The following NAV2 variants were observed in gnomAD, a reference collection of about 807,000 sequenced individuals.
The protein encoded by NAV2 is helicase, APC down-regulated 1.
A neutral mutation model predicts 223.2 loss-of-function variants in NAV2; 54 were observed. The observed-to-expected ratio is 0.24, with a 90% CI of 0.19 to 0.30. The LOEUF is 0.30. NAV2 is among the 10% of genes least tolerant of loss of function. The pLI, the probability that NAV2 is intolerant of heterozygous loss-of-function variation, is 1.00. For missense variants in NAV2, 2,806 were observed against 3,147.5 expected (o/e 0.89, Z 2.60); for synonymous variants, 1,279 against 1,239.3 (o/e 1.03, Z -0.67).
intron 1 of NAV2, among the ~76,000 whole-genome samples, chr11:19,651,923 A>G (rs1279060352): frequency 6.6e-6 from 1 of 152,112 alleles, no homozygotes; most frequent in Non-Finnish European, 1.5e-5. Flanking sequence ...ATAAAGCATA[A>G]TAGGATATGC....
intron 26 of NAV2, among the ~76,000 whole-genome samples, chr11:20,085,206 A>G (rs1388277849): frequency 3.3e-5 from 5 of 151,536 alleles, no homozygotes; most frequent in African/African-American, 1.2e-4. Context: ...AAAAAAAAAA[A>G]AAAAGTTAAA....
chr11:19,688,553 A>T (rs959980808), intron 1 of NAV2, among the ~76,000 whole-genome samples: 3 of 152,210 alleles, frequency 2.0e-5, no homozygotes, highest in African/African-American at 4.8e-5. Flanking sequence ...AAACAAGGAG[A>T]ATTATTAAGT....
intron 11 of NAV2, among the ~76,000 whole-genome samples, chr11:20,010,990 AAT>A (rs1389312940): frequency 1.3e-5 from 2 of 152,220 alleles, no homozygotes; most frequent in Non-Finnish European, 2.9e-5. Flanking sequence ...GATAGCTAGG[AAT>A]GAAATCAGGC....
chr11:19,667,355 C>T lies in NAV2; in HGVS notation c.76-165129C>T, dbSNP rs145927913. Among the ~76,000 whole-genome samples the T allele has an allele frequency of 1.2e-3, 185 of 152,282 alleles. 3 individuals are homozygous for T. The East Asian group carries it at 0.027, about 23-fold the overall frequency. ...GCTCAGAGTCAGCAGGGAAGACAGA[C>T]GTGGACAAATAATTACAATGTGTAT... On this transcript the variant is annotated intron_variant, in intron 1 of 37. Transcript: ENST00000360655.
At chr11:20,067,338 T>A (rs1436454675) in intron 20 of NAV2, among the ~76,000 whole-genome samples, 2 of 152,136 alleles carry the variant, frequency 1.3e-5, no homozygotes, top group Admixed American at 1.3e-4. Flanking sequence ...GGGGCAGAAT[T>A]AACCCAGGAG....
chr11:19,614,503 C>G (rs866226203), intron 1 of NAV2, among the ~76,000 whole-genome samples: 1 of 152,204 alleles, frequency 6.6e-6, no homozygotes, highest in Non-Finnish European at 1.5e-5. Flanking sequence ...GCCCCTGGCC[C>G]TGCACATATA....
intron 1 of NAV2, among the ~76,000 whole-genome samples, chr11:19,739,202 A>T (rs1419086839): frequency 6.6e-6 from 1 of 152,176 alleles, no homozygotes; most frequent in East Asian, 1.9e-4. Context: ...AAGAAGATAC[A>T]TAGACAACTC....
chr11:19,854,922 A>G (rs1283110187), intron 3 of NAV2, among the ~76,000 whole-genome samples: 3 of 152,190 alleles, frequency 2.0e-5, no homozygotes, highest in Non-Finnish European at 4.4e-5. Flanking sequence ...TGACCAGGCA[A>G]GGTGGTCATG....
chr11:19,781,293 C>T (rs1354658249), intron 1 of NAV2, among the ~76,000 whole-genome samples: 1 of 152,134 alleles, frequency 6.6e-6, no homozygotes, highest in Non-Finnish European at 1.5e-5. Context: ...CATGAGCGTG[C>T]AGTATAGATG....
At chr11:19,379,163 G>T (rs57803949) in intron 1 of NAV2, among the ~76,000 whole-genome samples, 3,553 of 152,248 alleles carry the variant, frequency 0.023, 127 homozygotes, top group African/African-American at 0.08. Flanking sequence ...TAGATCCACG[G>T]GGCTGGTGGT....
chr11:19,757,092 C>G (rs2054296256), intron 1 of NAV2, among the ~76,000 whole-genome samples: 1 of 152,122 alleles, frequency 6.6e-6, no homozygotes, highest in Non-Finnish European at 1.5e-5. Flanking sequence ...GTTGATAAAG[C>G]CTGTGGTGAC....
At chr11:19,635,919 G>C (rs968112138) in intron 1 of NAV2, among the ~76,000 whole-genome samples, 3 of 152,196 alleles carry the variant, frequency 2.0e-5, no homozygotes, top group Admixed American at 6.5e-5. Context: ...GGAAGGAAGA[G>C]GGGGGTGTTA....
chr11:20,116,956 G>A (rs1441044403), intron 37 of NAV2, among the ~76,000 whole-genome samples: 1 of 152,162 alleles, frequency 6.6e-6, no homozygotes, highest in Non-Finnish European at 1.5e-5. Flanking sequence ...AGTAATCCCA[G>A]TTGCCAAGGA....
At chr11:19,649,144 G>T (rs928867063) in intron 1 of NAV2, among the ~76,000 whole-genome samples, 2 of 152,136 alleles carry the variant, frequency 1.3e-5, no homozygotes, top group African/African-American at 4.8e-5. Flanking sequence ...TGTGCTATGA[G>T]GAACATTCAT....
chr11:19,971,376 G>C (rs774792094), intron 10 of NAV2, among the ~76,000 whole-genome samples: 1 of 152,082 alleles, frequency 6.6e-6, no homozygotes, highest in African/African-American at 2.4e-5. Flanking sequence ...ACCATGGCCT[G>C]TTTTCTTTTT....
intron 6 of NAV2, 73 bp downstream of exon 6, chr11:19,892,667 T>G: frequency 6.6e-7 from 1 of 1,509,148 alleles, no homozygotes; most frequent in Non-Finnish European, 9.0e-7. Context: ...TTCGGGTGAA[T>G]TGGGTTGGGT....
At chr11:19,659,194 A>C (rs1174169314) in intron 1 of NAV2, among the ~76,000 whole-genome samples, 5 of 152,212 alleles carry the variant, frequency 3.3e-5, no homozygotes, top group African/African-American at 1.2e-4. Context: ...GGTGACTGTA[A>C]AGCACTGGCA....
chr11:19,718,271 A>G (rs1300876719), intron 1 of NAV2, among the ~76,000 whole-genome samples: 1 of 152,248 alleles, frequency 6.6e-6, no homozygotes, highest in Non-Finnish European at 1.5e-5. Context: ...TGACCTTCAG[A>G]TAAGTAACAT....
chr11:19,957,402 G>C (rs1048523422), intron 10 of NAV2, among the ~76,000 whole-genome samples: 1 of 152,246 alleles, frequency 6.6e-6, no homozygotes, highest in African/African-American at 2.4e-5. Flanking sequence ...GAGTGAGCAA[G>C]CGCAGAGTCA....
Sources: gnomAD v4.1 joint callset for allele counts (sites outside exome capture counted in the v4.1 genomes callset) on GRCh38, gnomAD v4.1.1 for gene constraint, MANE v1.5 for transcripts, NCBI Gene and HGNC (gene_info 2026-07-23, HGNC 2026-07-21) for gene names.